Variants in TXNDC11 observed in about 807,000 individuals in gnomAD.
The protein encoded by TXNDC11 is thioredoxin domain containing 11, also known as thioredoxin domain-containing protein 11.
In TXNDC11, 68 loss-of-function variants were observed where a neutral mutation model predicts 78.0. That is an observed-to-expected ratio of 0.87 (90% confidence interval 0.72 to 1.07). The LOEUF is 1.07. Among genes scored for constraint, TXNDC11 ranks in the 50% least tolerant of loss-of-function variants. The probability of loss-of-function intolerance (pLI) is 0.00; values close to 1 mark genes in which losing one functional copy is unlikely to be tolerated. For synonymous variants in TXNDC11, 571 were observed against 495.2 expected (o/e 1.15, Z -2.03); for missense variants, 1,389 against 1,221.8 (o/e 1.14, Z -2.04).
intron 10 of TXNDC11, among the ~76,000 whole-genome samples, chr16:11,687,535 G>C (rs984047032): frequency 6.6e-6 from 1 of 152,198 alleles, no homozygotes; most frequent in African/African-American, 2.4e-5. Flanking sequence ...CACTGGCATT[G>C]CCTGGGGCAA....
At chr16:11,713,821 G>A (rs910899983) in intron 5 of TXNDC11, among the ~76,000 whole-genome samples, 2 of 151,642 alleles carry the variant, frequency 1.3e-5, no homozygotes, top group Non-Finnish European at 2.9e-5. Context: ...CCATGAGTGA[G>A]TATAGTGACA....
At chr16:11,706,936 G>T (rs925352686) in intron 5 of TXNDC11, among the ~76,000 whole-genome samples, 1 of 151,974 alleles carries the variant, frequency 6.6e-6, no homozygotes, top group Non-Finnish European at 1.5e-5. Context: ...CCAAAATACA[G>T]TATTTGCAGA....
intron 10 of TXNDC11, among the ~76,000 whole-genome samples, chr16:11,684,469 T>C (rs2050513232): frequency 6.6e-6 from 1 of 152,130 alleles, no homozygotes; most frequent in African/African-American, 2.4e-5. Context: ...CAATGTGATG[T>C]CCTGAAAGTA....
At chr16:11,713,195 G>A (rs1247237314) in intron 5 of TXNDC11, among the ~76,000 whole-genome samples, 1 of 150,816 alleles carries the variant, frequency 6.6e-6, no homozygotes, top group African/African-American at 2.4e-5. Flanking sequence ...GCTGAGGTAG[G>A]AGGATCACCT....
chr16:11,707,573 T>A (rs56201922), intron 5 of TXNDC11, among the ~76,000 whole-genome samples: 1 of 151,610 alleles, frequency 6.6e-6, no homozygotes, highest in South Asian at 2.1e-4. Flanking sequence ...CTCAGCCTCC[T>A]GAGTAGCTAG....
Position 11,742,745 on chromosome 16 carries a change from C to G in TXNDC11, c.-15G>C, listed in dbSNP as rs756580888. The G allele has an allele frequency of 6.2e-6, 9 of 1,459,720 alleles. No individual in the cohort carries two copies. Among genetic ancestry groups the G allele is most frequent in the African/African-American group, 1.5e-5 (1 of 67,792 alleles). 90.4% of individuals were successfully genotyped at this position (1,459,720 alleles called of 1,614,324 possible). A position where few individuals can be genotyped will look rare whatever the true frequency, so the allele number is the denominator to read the frequency against. ...CATTCCGACATTACATGCTCCCAGT[C>G]GCCGGCTTTATACCGCCGCCGCCGC... On this transcript the variant is annotated 5_prime_UTR_variant, in exon 1 of 12. Transcript: ENST00000283033.
At chr16:11,710,532 T>C (rs1218852943) in intron 5 of TXNDC11, among the ~76,000 whole-genome samples, 1 of 152,134 alleles carries the variant, frequency 6.6e-6, no homozygotes, top group African/African-American at 2.4e-5. Flanking sequence ...CGCTGGGCCA[T>C]GATTATACCA....
chr16:11,738,418 G>T (rs1472649153), intron 1 of TXNDC11, among the ~76,000 whole-genome samples: 1 of 152,230 alleles, frequency 6.6e-6, no homozygotes, highest in Non-Finnish European at 1.5e-5. Flanking sequence ...TAAGGCTGCG[G>T]CAGCTAGCAC....
chr16:11,703,509 TACACACAC>T lies in TXNDC11; in HGVS notation c.794-2953_794-2946del, dbSNP rs34963301. 3.8e-4 allele frequency among the ~76,000 whole-genome samples: 55 copies of T among 145,032 alleles called. No individual in the cohort carries two copies. The South Asian group carries it at 5.4e-3, about 14-fold the overall frequency. On this transcript the variant is annotated intron_variant, in intron 5 of 11. Coordinates refer to ENST00000283033, the MANE Select transcript of TXNDC11 (RefSeq NM_015914.7). ...ATGAGTATAAACTTAAGGCTTTTGA[TACACACAC>T]ACACACACACACACACACACACACA...
intron 5 of TXNDC11, among the ~76,000 whole-genome samples, chr16:11,710,775 A>G (rs915345853): frequency 2.0e-5 from 3 of 152,212 alleles, no homozygotes; most frequent in Admixed American, 6.5e-5. Flanking sequence ...TGACTGTGCC[A>G]CTGCACTCTA....
chr16:11,732,605 T>A (rs2052089113), intron 3 of TXNDC11, among the ~76,000 whole-genome samples: 2 of 152,210 alleles, frequency 1.3e-5, no homozygotes, highest in Admixed American at 6.5e-5. Context: ...TAGTGGTCCC[T>A]AAGCAAAAAC....
At chr16:11,691,126 T>A in intron 8 of TXNDC11, 164 bp downstream of exon 8, 1 of 623,626 alleles carries the variant, frequency 1.6e-6, no homozygotes, top group Non-Finnish European at 2.7e-6. Context: ...TAGACAAAAT[T>A]AGCTTCTTTG....
intron 4 of TXNDC11, among the ~76,000 whole-genome samples, chr16:11,727,265 G>A (rs2051910861): frequency 6.7e-6 from 1 of 150,164 alleles, no homozygotes; most frequent in Non-Finnish European, 1.5e-5. Context: ...AAAACAAGGA[G>A]GAAATTATCA....
chr16:11,742,151 G>A (rs1189200830), intron 1 of TXNDC11: 2 of 330,480 alleles, frequency 6.1e-6, no homozygotes, highest in African/African-American at 2.1e-5. Flanking sequence ...TGAGAAATGA[G>A]GGTCCTACAG....
At chr16:11,696,256 A>G (rs1436463266) in intron 7 of TXNDC11, among the ~76,000 whole-genome samples, 2 of 152,000 alleles carry the variant, frequency 1.3e-5, no homozygotes, top group Non-Finnish European at 2.9e-5. Context: ...TTCTCAACCC[A>G]TCAAGATCCT....
chr16:11,703,582 T>C (rs539204995), intron 5 of TXNDC11: 11 of 656,634 alleles, frequency 1.7e-5, no homozygotes, highest in African/African-American at 1.4e-4. Flanking sequence ...AATACAGATA[T>C]ATGCACATGT....
Position 11,742,653 on chromosome 16 carries a change from G to A in TXNDC11, c.78C>T (p.Gly26=), listed in dbSNP as rs766697649. The change falls in exon 1 of 12, where the codon GGC becomes GGT. Residue 26 remains glycine, a synonymous_variant. Transcript: ENST00000283033. The stretch of plus-strand genomic sequence containing the variant: ...AGCTGAGGCAGTCTGAGCCCGCGGG[G>A]CCGCCGCCGCCCCCTCCCTCGTCCT... ...DAEDEGGGGG[G]PAGSDCLSSS... The A allele has an allele frequency of 2.1e-6, 3 of 1,454,214 alleles. No homozygotes were observed. Among genetic ancestry groups the A allele is most frequent in the African/African-American group, 1.5e-5 (1 of 68,034 alleles). 90.1% of individuals were successfully genotyped at this position (1,454,214 alleles called of 1,614,324 possible). A position where few individuals can be genotyped will look rare whatever the true frequency, so the allele number is the denominator to read the frequency against.
intron 3 of TXNDC11, among the ~76,000 whole-genome samples, chr16:11,731,320 T>C (rs1187700702): frequency 6.6e-6 from 1 of 152,236 alleles, no homozygotes; most frequent in Non-Finnish European, 1.5e-5. Context: ...TAACAAATTA[T>C]GTGAAGGTCT....
At chr16:11,716,000 C>A (rs915187767) in intron 5 of TXNDC11, among the ~76,000 whole-genome samples, 1 of 152,224 alleles carries the variant, frequency 6.6e-6, no homozygotes, top group Non-Finnish European at 1.5e-5. Context: ...TTTACTCACA[C>A]ACAAAGTATT....
Sources: allele counts gnomAD v4.1 joint callset (sites outside exome capture counted in the v4.1 genomes callset), GRCh38; gene constraint gnomAD v4.1.1; transcripts MANE v1.5; gene names NCBI Gene and HGNC (gene_info 2026-07-23, HGNC 2026-07-21).